Variants in TEX30 observed in about 807,000 individuals in gnomAD.
TEX30 encodes the protein testis-expressed protein 30.
Under a neutral mutation model 23.8 loss-of-function variants are expected in TEX30, and 14 were observed. The observed-to-expected ratio is 0.59, with a 90% CI of 0.39 to 0.92. TEX30 has a LOEUF of 0.92. TEX30 is among the 40% of genes least tolerant of loss of function. The probability of loss-of-function intolerance (pLI) is 0.00; values close to 1 mark genes in which losing one functional copy is unlikely to be tolerated. For synonymous variants in TEX30, 78 were observed against 90.2 expected, an observed-to-expected ratio of 0.87 and a Z score of 0.76; for missense variants, 246 against 270.6, an observed-to-expected ratio of 0.91 and a Z score of 0.64.
rs5806323 is a variant in TEX30, at chr13:102,768,321, T to TA, written c.247-11dup. ...ATGTCTTCAGGTAATTCTAGAAAAA[T>TA]AAAAAAATCATCAGTTCTTCACCTA... On this transcript the variant is annotated splice_polypyrimidine_tract_variant and intron_variant, in intron 3 of 5. Coordinates refer to ENST00000376032, the MANE Select transcript of TEX30 (RefSeq NM_138779.5). 0.22 allele frequency: 353,885 copies of TA among 1,577,380 alleles called. 45,663 individuals carry two copies. The highest frequency in any genetic ancestry group is 0.54 in the East Asian group (23,601 of 43,722).
Position 102,769,428 on chromosome 13 carries a change from A to G in TEX30, c.129T>C (p.Asn43=). The change falls in exon 3 of 6, where the codon AAT becomes AAC. Residue 43 remains asparagine (N), a synonymous_variant. Transcript: ENST00000376032. ...ILTHGASGDM[N]LPHLMSLASH... ...ATGCCAGTGACATCAAATGAGGAAG[A>G]TTCATATCTCCTGATGCTCCATGTG... 6.2e-7 allele frequency: 1 copy of G among 1,611,266 alleles called. No individual in the cohort carries two copies. Among genetic ancestry groups the G allele is most frequent in the Non-Finnish European group, 8.5e-7 (1 of 1,179,012 alleles).
At chr13:102,772,666 C>T (rs1877406246) in intron 1 of TEX30, among the ~76,000 whole-genome samples, 1 of 152,302 alleles carries the variant, frequency 6.6e-6, no homozygotes, top group Middle Eastern at 3.4e-3. Context: ...GCCTCTGCCT[C>T]CCGGGTTCAA....
chr13:102,769,046 C>T (rs1471593520), intron 3 of TEX30, among the ~76,000 whole-genome samples: 1 of 152,110 alleles, frequency 6.6e-6, no homozygotes, highest in Non-Finnish European at 1.5e-5. Flanking sequence ...GCTAAAGTTA[C>T]ATAATTCCAG....
chr13:102,768,049 A>G (rs1877033226), intron 4 of TEX30, among the ~76,000 whole-genome samples: 1 of 152,254 alleles, frequency 6.6e-6, no homozygotes, highest in East Asian at 1.9e-4. Flanking sequence ...GGATATGAAT[A>G]AAAGGAGAGA....
intron 1 of TEX30, chr13:102,770,665 T>G (rs529500065): frequency 1.3e-5 from 2 of 152,308 alleles, no homozygotes; most frequent in South Asian, 4.2e-4. Context: ...CAGAAGCCCT[T>G]TTGAACTTTC....
chr13:102,768,473 C>CTT (rs1877071523), intron 3 of TEX30, among the ~76,000 whole-genome samples, 162 bp from the exon 4 acceptor site: 1 of 152,170 alleles, frequency 6.6e-6, no homozygotes, highest in Admixed American at 6.5e-5. Flanking sequence ...AGTCCTTCCT[C>CTT]TTCTGGTCAT....
rs1566424612 is a variant in TEX30, at chr13:102,766,405, T to C, written c.680A>G (p.His227Arg). ...QEITEMDKKC[H>R] ...TCAAGATAACATGGCTTTTAACTAATGACATTTCTTGTCCATTTCAGTAAT... is the reference window on the plus strand; with the variant it reads ...TCAAGATAACATGGCTTTTAACTAACGACATTTCTTGTCCATTTCAGTAAT... The change falls in exon 6 of 6, where the codon CAT (histidine) becomes CGT (arginine). Residue 227 changes from histidine (H) to arginine (R), a missense_variant. His to Arg is a conservative substitution (Grantham distance 29). Transcript: ENST00000376032. 2 of 1,613,090 alleles carry C rather than the reference T, an allele frequency of 1.2e-6. No individual in the cohort carries two copies. Among genetic ancestry groups the C allele is most frequent in the Non-Finnish European group, 1.7e-6 (2 of 1,179,354 alleles).
At chr13:102,770,834 A>G (rs1877267264) in intron 1 of TEX30, 1 of 152,224 alleles carries the variant, frequency 6.6e-6, no homozygotes, top group African/African-American at 2.4e-5. Context: ...AAGATCCATG[A>G]GCATAAAATG....
At position 102,767,363 on chromosome 13, in the gene TEX30, C is replaced by G. The variant is rs1280974841; in HGVS notation, c.414G>C (p.Lys138Asn). 1.2e-6 allele frequency: 2 copies of G among 1,614,038 alleles called. No homozygotes were observed. The highest frequency in any genetic ancestry group is 1.7e-6 in the Non-Finnish European group (2 of 1,180,014). ...ICISYPLHHPKQQHKLRDEDL... is the reference protein window; with the variant it reads ...ICISYPLHHPNQQHKLRDEDL... ...CTTCATCTCTGAGTTTATGCTGCTG[C>G]TTTGGATGGTGCAGTGGGTAAGAAA... Residue 138 changes from lysine to asparagine, a missense_variant, in exon 5 of 6, where the codon AAG becomes AAC. Lys to Asn is a moderately conservative substitution (Grantham distance 94). Coordinates refer to ENST00000376032, the MANE Select transcript of TEX30 (RefSeq NM_138779.5).
chr13:102,767,257 T>C lies in TEX30; in HGVS notation c.504+16A>G, dbSNP rs926079257. The stretch of plus-strand genomic sequence containing the variant: ...TCATTCTCTTTCATTGACACAAACA[T>C]TGAGTTATAATTCACCTTTTCACAC... On this transcript the variant is annotated intron_variant, in intron 5 of 5. Coordinates refer to ENST00000376032, the MANE Select transcript of TEX30 (RefSeq NM_138779.5). The C allele has an allele frequency of 3.7e-6, 6 of 1,605,158 alleles. No homozygotes were observed. Among genetic ancestry groups the C allele is most frequent in the African/African-American group, 2.7e-5 (2 of 74,782 alleles).
At position 102,772,112 on chromosome 13, in the gene TEX30, C is replaced by T. The variant is rs139597639; in HGVS notation, c.-61+1570G>A. 2.4e-3 allele frequency among the ~76,000 whole-genome samples: 357 copies of T among 151,912 alleles called. 1 individual carries two copies. Among genetic ancestry groups the T allele is most frequent in the African/African-American group, 7.9e-3 (329 of 41,388 alleles). ...AGGAGTAAATTTAGATGCATGTAAA[C>T]AACCACTATCTTAATTTAGAATGCT... On this transcript the variant is annotated intron_variant, in intron 1 of 5. Transcript: ENST00000376032.
At chr13:102,767,191 C>G in intron 5 of TEX30, 82 bp downstream of exon 5, 1 of 1,409,780 alleles carries the variant, frequency 7.1e-7, no homozygotes, top group Non-Finnish European at 9.7e-7. Context: ...TTAAAAGACA[C>G]TGTTGCCAGA....
chr13:102,766,305 C>A lies in TEX30; in HGVS notation c.*96G>T. On this transcript the variant is annotated 3_prime_UTR_variant, in exon 6 of 6. Transcript: ENST00000376032. The stretch of plus-strand genomic sequence containing the variant: ...TCAAAAATAAGGGAACATTAAAGAA[C>A]ATCAAATTAGTCTGAAATATATCTC... 2.8e-6 allele frequency: 3 copies of A among 1,053,018 alleles called. No individual in the cohort carries two copies. Among genetic ancestry groups the A allele is most frequent in the East Asian group, 2.5e-5 (1 of 39,554 alleles). The allele number at this position is 1,053,018 out of a possible 1,614,324, so 65.2% of individuals were successfully genotyped here. A position where few individuals can be genotyped will look rare whatever the true frequency, so the allele number is the denominator to read the frequency against.
At position 102,766,377 on chromosome 13, in the gene TEX30, T is replaced by TA. The variant is rs758557445; in HGVS notation, c.*23dup. The TA allele has an allele frequency of 6.3e-7, 1 of 1,596,058 alleles. No homozygotes were observed. The highest frequency in any genetic ancestry group is 1.1e-5 in the South Asian group (1 of 89,772). On this transcript the variant is annotated 3_prime_UTR_variant, in exon 6 of 6. Coordinates refer to ENST00000376032, the MANE Select transcript of TEX30 (RefSeq NM_138779.5). ...TTCTTTATCAAATTAACTGTATGTG[T>TA]ACTCAAGATAACATGGCTTTTAACT...
intron 1 of TEX30, among the ~76,000 whole-genome samples, chr13:102,772,659 T>A (rs1287592547): frequency 6.6e-6 from 1 of 152,180 alleles, no homozygotes; most frequent in Non-Finnish European, 1.5e-5. Flanking sequence ...CACTGCAGCC[T>A]CTGCCTCCCG....
At chr13:102,770,247 T>C (rs1877226232) in intron 1 of TEX30, 161 bp from the exon 2 acceptor site, 1 of 370,134 alleles carries the variant, frequency 2.7e-6, no homozygotes, top group Non-Finnish European at 4.8e-6. Flanking sequence ...TCAGAATTGG[T>C]TAGAGGGCCA....
At position 102,770,100 on chromosome 13, in the gene TEX30, T is replaced by C; in HGVS notation, c.-60-14A>G. On this transcript the variant is annotated splice_polypyrimidine_tract_variant and intron_variant, in intron 1 of 5. Coordinates refer to ENST00000376032, the MANE Select transcript of TEX30 (RefSeq NM_138779.5). ...AAGGACATCTCCCTGAAAAGAAGAT[T>C]CTGTTGTGAAAGGTGAGTTGGCAGA... 8.7e-7 allele frequency: 1 copy of C among 1,147,576 alleles called. No individual in the cohort carries two copies. Among genetic ancestry groups the C allele is most frequent in the Non-Finnish European group, 1.1e-6 (1 of 880,064 alleles). The allele number at this position is 1,147,576 out of a possible 1,614,324, so 71.1% of individuals were successfully genotyped here.
chr13:102,770,014 C>A lies in TEX30; in HGVS notation c.13G>T (p.Glu5Ter), dbSNP rs868010856. Residue 5 changes from glutamate (E) to a stop codon, truncating the protein, a stop_gained and splice_region_variant, in exon 2 of 6, where the codon GAG (glutamate) becomes TAG (stop). Transcript: ENST00000376032. LOFTEE classifies it high-confidence loss of function. MSHT[E>*]VKLKIPFGNK... is the part of the protein sequence containing the mutation. Reference sequence around the variant, plus strand: ...TGCAGAACATACGAAAATATTACCTCTGTATGACTCATTTTCACTGTTGAA... The same window carrying A: ...TGCAGAACATACGAAAATATTACCTATGTATGACTCATTTTCACTGTTGAA... 1 of 1,443,100 alleles carries A rather than the reference C, an allele frequency of 6.9e-7. No individual in the cohort carries two copies. The highest frequency in any genetic ancestry group is 9.1e-7 in the Non-Finnish European group (1 of 1,092,996). The allele number at this position is 1,443,100 out of a possible 1,614,324, so 89.4% of individuals were successfully genotyped here.
In TEX30 at chr13:102,769,526, G is replaced by T. The variant is rs1421806950; in HGVS notation, c.31C>A (p.Pro11Thr). The T allele has an allele frequency of 1.3e-6, 2 of 1,586,420 alleles. No individual in the cohort carries two copies. The highest frequency in any genetic ancestry group is 1.4e-5 in the African/African-American group (1 of 73,328). MSHTEVKLKI[P>T]FGNKLLDAVC... ...GCATCTAGTAATTTATTTCCAAAAGGTATTTTTAATTTAACCTGGAATTCA... is the reference window on the plus strand; with the variant it reads ...GCATCTAGTAATTTATTTCCAAAAGTTATTTTTAATTTAACCTGGAATTCA... Residue 11 changes from proline to threonine, a missense_variant, in exon 3 of 6, where the codon CCT becomes ACT. Transcript: ENST00000376032.
Sources: gnomAD v4.1 joint callset for allele counts (sites outside exome capture counted in the v4.1 genomes callset) on GRCh38, gnomAD v4.1.1 for gene constraint, MANE v1.5 for transcripts, NCBI Gene and HGNC (gene_info 2026-07-23, HGNC 2026-07-21) for gene names.